TF: variants seen among roughly 807,000 people sequenced by gnomAD.
The protein encoded by TF is transferrin.
In TF, 55 loss-of-function variants were observed where a neutral mutation model predicts 82.4. The observed-to-expected ratio is 0.67, with a 90% CI of 0.54 to 0.84. TF has a LOEUF of 0.84. TF is among the 40% of genes least tolerant of loss of function. The probability of loss-of-function intolerance (pLI) is 0.00; values close to 1 mark genes in which losing one functional copy is unlikely to be tolerated. For missense variants in TF, 737 were observed against 868.4 expected, an observed-to-expected ratio of 0.85 and a Z score of 1.90; for synonymous variants, 332 against 332.6, an observed-to-expected ratio of 1.00 and a Z score of 0.02.
the TF span, among the ~76,000 whole-genome samples, chr3:133,674,356 C>T: frequency 6.6e-6 from 1 of 152,206 alleles, no homozygotes; most frequent in Non-Finnish European, 1.5e-5. Context: ...GCCCCCTTCC[C>T]CGAAGTGCAG....
chr3:133,736,834 G>A, the TF span, among the ~76,000 whole-genome samples: 2 of 151,766 alleles, frequency 1.3e-5, no homozygotes, highest in Admixed American at 1.3e-4. Flanking sequence ...TCTTAGGGAC[G>A]GACAAAGAGA....
chr3:133,669,971 A>G, the TF span, among the ~76,000 whole-genome samples: 2 of 152,258 alleles, frequency 1.3e-5, no homozygotes, highest in African/African-American at 4.8e-5. Context: ...GAGCCAGGAC[A>G]GTTAAATCCA....
chr3:133,761,594 T>G (rs1576361701), intron 9 of TF: 1 of 152,342 alleles, frequency 6.6e-6, no homozygotes, highest in Non-Finnish European at 1.5e-5. Flanking sequence ...ATGGATCAGA[T>G]CTACCAAAAT....
At chr3:133,756,745 C>A in intron 6 of TF, 86 bp from the exon 7 acceptor site, 1 of 1,546,358 alleles carries the variant, frequency 6.5e-7, no homozygotes, top group Non-Finnish European at 8.9e-7. Flanking sequence ...TCAGCTCATA[C>A]TTTCTATGAT....
Position 133,755,498 on chromosome 3 carries a change from G to C in TF, c.635+3G>C. The C allele has an allele frequency of 6.2e-7, 1 of 1,613,992 alleles. No individual in the cohort carries two copies. Among genetic ancestry groups the C allele is most frequent in the Non-Finnish European group, 8.5e-7 (1 of 1,179,962 alleles). On this transcript the variant is annotated splice_donor_region_variant and intron_variant, in intron 5 of 16. Coordinates refer to ENST00000402696, the MANE Select transcript of TF (RefSeq NM_001063.4). Reference sequence around the variant, plus strand: ...TTCGGCTACTCGGGAGCCTTCAAGTGAGTGAGATGTCTGCTGCTCCATGGT... The same window carrying C: ...TTCGGCTACTCGGGAGCCTTCAAGTCAGTGAGATGTCTGCTGCTCCATGGT...
At chr3:133,686,176 A>T in the TF span, among the ~76,000 whole-genome samples, 1 of 152,238 alleles carries the variant, frequency 6.6e-6, no homozygotes, top group African/African-American at 2.4e-5. Flanking sequence ...TCCCTTCCTT[A>T]CACCTTATAA....
At chr3:133,718,714 T>G in the TF span, among the ~76,000 whole-genome samples, 2 of 152,270 alleles carry the variant, frequency 1.3e-5, no homozygotes, top group East Asian at 1.9e-4. Context: ...CAGCCAACAC[T>G]GATGTTGGAG....
intron 13 of TF, among the ~76,000 whole-genome samples, chr3:133,769,145 T>C (rs1441052176): frequency 6.6e-6 from 1 of 152,208 alleles, no homozygotes; most frequent in East Asian, 1.9e-4. Flanking sequence ...TGTTATTTGG[T>C]GGTTCATGAA....
chr3:133,682,894 A>G, the TF span, among the ~76,000 whole-genome samples: 1 of 152,194 alleles, frequency 6.6e-6, no homozygotes, highest in Non-Finnish European at 1.5e-5. Flanking sequence ...CATCTCCAAG[A>G]CACATAATTG....
intron 15 of TF, 117 bp downstream of exon 15, chr3:133,775,734 T>A: frequency 9.4e-7 from 1 of 1,060,050 alleles, no homozygotes; most frequent in Non-Finnish European, 1.4e-6. Flanking sequence ...AAACTAGAAT[T>A]CCATGCATTG....
rs1274511762 is a variant in TF, at chr3:133,775,525, G to A, written c.1780G>A (p.Ala594Thr). The A allele has an allele frequency of 7.4e-6, 12 of 1,614,098 alleles. No homozygotes were observed. Among genetic ancestry groups the A allele is most frequent in the Non-Finnish European group, 1.0e-5 (12 of 1,180,050 alleles). ...DGTRKPVEEYANCHLARAPNH... is the reference protein window; with the variant it reads ...DGTRKPVEEYTNCHLARAPNH... ...TACCAGGAAACCTGTGGAGGAGTATGCGAACTGCCACCTGGCCAGAGCCCC... is the reference window on the plus strand; with the variant it reads ...TACCAGGAAACCTGTGGAGGAGTATACGAACTGCCACCTGGCCAGAGCCCC... Residue 594 changes from alanine to threonine, a missense_variant, in exon 15 of 17, where the codon GCG becomes ACG. Ala to Thr is a moderately conservative substitution (Grantham distance 58). Coordinates refer to ENST00000402696, the MANE Select transcript of TF (RefSeq NM_001063.4).
the TF span, chr3:133,710,201 C>A: frequency 6.6e-6 from 1 of 152,508 alleles, no homozygotes; most frequent in Non-Finnish European, 1.5e-5. Flanking sequence ...TAGATGCATT[C>A]ATCATTTCAG....
At position 133,791,678 on chromosome 3, in the gene TF, G is replaced by A. The variant is rs986617697; in HGVS notation, c.*13058G>A. The A allele has an allele frequency of 6.6e-6, 1 of 152,160 alleles. No homozygotes were observed. The highest frequency in any genetic ancestry group is 1.5e-5 in the Non-Finnish European group (1 of 68,024). 9.4% of individuals were successfully genotyped at this position (152,160 alleles called of 1,614,324 possible). On this transcript the variant is annotated 3_prime_UTR_variant, in exon 17 of 17. Transcript: ENST00000402696. ...GTGCTTAGGACCCCATAGACCTGCT[G>A]TTCAAGACACACCAGCAGACTGGTC... is the stretch of plus-strand genomic sequence containing the variant.
chr3:133,767,822 T>C (rs1934162501), intron 12 of TF, among the ~76,000 whole-genome samples: 1 of 152,230 alleles, frequency 6.6e-6, no homozygotes, highest in Non-Finnish European at 1.5e-5. Flanking sequence ...CTGCCCTGAA[T>C]TGTAATGGTC....
chr3:133,765,986 T>C (rs8177277), intron 11 of TF, among the ~76,000 whole-genome samples: 7,857 of 152,338 alleles, frequency 0.052, 277 homozygotes, highest in Non-Finnish European at 0.072. Context: ...ACTCATTGGA[T>C]GGTGAATTGC....
rs1934131768 is a variant in TF at position 133,766,518 on chromosome 3, G to T, written c.1486+85G>T. The T allele has an allele frequency of 3.2e-6, 5 of 1,574,936 alleles. No homozygotes were observed. In the Admixed American group the frequency reaches 6.7e-5, roughly 21 times the overall value. On this transcript the variant is annotated intron_variant, in intron 12 of 16. Transcript: ENST00000402696. The stretch of plus-strand genomic sequence containing the variant: ...TTAGGGAAGAGGAGTGTGGCATAAG[G>T]TGCTGTGGGCTCTGGTTCTAGAGAA...
the TF span, among the ~76,000 whole-genome samples, chr3:133,740,407 T>C: frequency 6.6e-6 from 1 of 152,152 alleles, no homozygotes; most frequent in East Asian, 1.9e-4. Context: ...CACTGCAACC[T>C]CTGCCTCCTG....
At chr3:133,734,037 C>T in the TF span, among the ~76,000 whole-genome samples, 3 of 152,070 alleles carry the variant, frequency 2.0e-5, no homozygotes, top group Non-Finnish European at 2.9e-5. Flanking sequence ...ACTGGGACTG[C>T]GGTTTCTCAT....
the TF span, among the ~76,000 whole-genome samples, chr3:133,694,579 C>A: frequency 6.6e-6 from 1 of 152,212 alleles, no homozygotes; most frequent in Non-Finnish European, 1.5e-5. Flanking sequence ...GCCCATGTTA[C>A]CCTCCTAGAC....
Sources: gnomAD v4.1 joint callset for allele counts (sites outside exome capture counted in the v4.1 genomes callset) on GRCh38, gnomAD v4.1.1 for gene constraint, MANE v1.5 for transcripts, NCBI Gene and HGNC (gene_info 2026-07-23, HGNC 2026-07-21) for gene names.